DLGAP2: variants seen among roughly 807,000 people sequenced by gnomAD.
The protein encoded by DLGAP2 is DLG associated protein 2.
In DLGAP2, 26 loss-of-function variants were observed where a neutral mutation model predicts 100.3. The observed-to-expected ratio is 0.26, with a 90% CI of 0.19 to 0.36. The LOEUF (loss-of-function observed/expected upper bound fraction) is 0.36. Among genes scored for constraint, DLGAP2 ranks in the 10% least tolerant of loss-of-function variants. The pLI is 1.00. For missense variants in DLGAP2, 1,858 were observed against 1,453.2 expected (o/e 1.28, Z -4.53); for synonymous variants, 886 against 630.1 (o/e 1.41, Z -6.08).
chr8:862,970 G>A (rs905592194), intron 1 of DLGAP2, among the ~76,000 whole-genome samples: 1 of 152,198 alleles, frequency 6.6e-6, no homozygotes, highest in Non-Finnish European at 1.5e-5. Flanking sequence ...GAATATCTGA[G>A]TCAGTTTGTG....
chr8:1,502,250 G>A (rs1405472989), intron 4 of DLGAP2, among the ~76,000 whole-genome samples: 1 of 152,230 alleles, frequency 6.6e-6, no homozygotes, highest in Non-Finnish European at 1.5e-5. Context: ...TGCAGTGACA[G>A]CACTCAGGGC....
intron 2 of DLGAP2, among the ~76,000 whole-genome samples, chr8:1,075,203 TA>T (rs1177165811): frequency 6.6e-6 from 1 of 152,178 alleles, no homozygotes; most frequent in African/African-American, 2.4e-5. Flanking sequence ...TGCAAAGCTC[TA>T]GGGGAGGTTC....
At chr8:973,884 C>G (rs979626524) in intron 2 of DLGAP2, among the ~76,000 whole-genome samples, 15 of 150,476 alleles carry the variant, frequency 1.0e-4, no homozygotes. Flanking sequence ...GCCTCTTCCC[C>G]TCCTCCGCCA....
chr8:906,294 G>A (rs1249575846), intron 1 of DLGAP2, among the ~76,000 whole-genome samples: 1 of 152,256 alleles, frequency 6.6e-6, no homozygotes, highest in East Asian at 1.9e-4. Context: ...GGAAGGATGT[G>A]GCGGAGCCTC....
In DLGAP2 at chr8:995,211, G is replaced by A. The variant is rs191005551; in HGVS notation, c.73+87245G>A. 1.4e-3 allele frequency among the ~76,000 whole-genome samples: 206 copies of A among 152,136 alleles called. 2 individuals are homozygous for A. Among genetic ancestry groups the A allele is most frequent in the South Asian group, 8.3e-3 (40 of 4,816 alleles). On this transcript the variant is annotated intron_variant, in intron 2 of 14. Transcript: ENST00000637795. Reference sequence around the variant, plus strand: ...AGCAGTATAATTTTTTCACATTACCGTATAAAACAACTGTTTTGTGGGAGG... The same window carrying A: ...AGCAGTATAATTTTTTCACATTACCATATAAAACAACTGTTTTGTGGGAGG...
intron 3 of DLGAP2, among the ~76,000 whole-genome samples, chr8:1,417,156 G>GGCGGGGGAGACCCCCATTCATTTAGCGTC (rs1563133680): frequency 1.2e-5 from 1 of 85,714 alleles, no homozygotes; most frequent in African/African-American, 5.8e-5. Flanking sequence ...GAGACTCTGA[G>GGCGGGGGAGACCCCCATTCATTTAGCGTC]TGAAGGGGAA....
At chr8:1,465,169 C>T (rs1405362341) in intron 3 of DLGAP2, among the ~76,000 whole-genome samples, 1 of 152,230 alleles carries the variant, frequency 6.6e-6, no homozygotes, top group Non-Finnish European at 1.5e-5. Flanking sequence ...GGATGCTGAT[C>T]ACAAGCTCCA....
At chr8:788,105 A>G (rs1364283216) in intron 1 of DLGAP2, among the ~76,000 whole-genome samples, 1 of 152,228 alleles carries the variant, frequency 6.6e-6, no homozygotes, top group Non-Finnish European at 1.5e-5. Flanking sequence ...TCCCCCCACC[A>G]GGAGATCCTG....
chr8:1,408,414 G>T (rs566856385), intron 3 of DLGAP2, among the ~76,000 whole-genome samples: 2 of 149,962 alleles, frequency 1.3e-5, no homozygotes, highest in South Asian at 4.3e-4. Context: ...CAACCTGTTA[G>T]TTCACCTGGG....
At chr8:1,337,791 G>T (rs183208951) in intron 3 of DLGAP2, among the ~76,000 whole-genome samples, 10 of 152,296 alleles carry the variant, frequency 6.6e-5, no homozygotes, top group Admixed American at 6.5e-4. Context: ...CTGCAAATCA[G>T]TTATCTGAGA....
At chr8:980,618 C>G (rs1800303990) in intron 2 of DLGAP2, among the ~76,000 whole-genome samples, 1 of 152,170 alleles carries the variant, frequency 6.6e-6, no homozygotes. Flanking sequence ...TCTGTTGACA[C>G]AGAGGTGAAT....
intron 4 of DLGAP2, among the ~76,000 whole-genome samples, chr8:1,530,228 T>TG (rs938554022): frequency 4.9e-4 from 74 of 152,172 alleles, no homozygotes; most frequent in African/African-American, 1.6e-3. Flanking sequence ...CAGGTGCACC[T>TG]GGGGGGGCTG....
At chr8:1,658,567 A>G (rs927680103) in intron 8 of DLGAP2, among the ~76,000 whole-genome samples, 2 of 152,074 alleles carry the variant, frequency 1.3e-5, no homozygotes, top group East Asian at 1.9e-4. Flanking sequence ...TGTGTTAGTC[A>G]TGGGAGGGTG....
chr8:1,495,073 C>A (rs1278930298), intron 3 of DLGAP2, among the ~76,000 whole-genome samples: 1 of 152,216 alleles, frequency 6.6e-6, no homozygotes, highest in Non-Finnish European at 1.5e-5. Flanking sequence ...AGGACCGACA[C>A]CAGGTGGCAG....
At chr8:785,595 C>T (rs56212344) in intron 1 of DLGAP2, among the ~76,000 whole-genome samples, 37,757 of 50,530 alleles carry the variant, frequency 0.75, 14,879 homozygotes, top group Non-Finnish European at 0.82. Flanking sequence ...TGAGACCGGC[C>T]TCCCTCCTCC....
At chr8:1,599,934 T>G (rs1307005502) in intron 6 of DLGAP2, among the ~76,000 whole-genome samples, 1 of 152,240 alleles carries the variant, frequency 6.6e-6, no homozygotes, top group Non-Finnish European at 1.5e-5. Flanking sequence ...CCGGTTATTT[T>G]GCCCATTAAT....
At chr8:1,094,830 G>A (rs1020919251) in intron 2 of DLGAP2, among the ~76,000 whole-genome samples, 6 of 152,254 alleles carry the variant, frequency 3.9e-5, no homozygotes, top group Admixed American at 1.3e-4. Flanking sequence ...TGTACTGAGA[G>A]TATACAGGGA....
At chr8:1,144,270 C>G (rs1796569170) in intron 2 of DLGAP2, among the ~76,000 whole-genome samples, 2 of 152,148 alleles carry the variant, frequency 1.3e-5, no homozygotes, top group African/African-American at 4.8e-5. Flanking sequence ...ATGGAGAAGG[C>G]GGTGGAGCAT....
chr8:1,150,314 C>G (rs1796675615), intron 2 of DLGAP2, among the ~76,000 whole-genome samples: 1 of 152,198 alleles, frequency 6.6e-6, no homozygotes, highest in Non-Finnish European at 1.5e-5. Context: ...TCTGCCTTCC[C>G]TGTTTTTATT....
Sources: allele counts gnomAD v4.1 joint callset (sites outside exome capture counted in the v4.1 genomes callset), GRCh38; gene constraint gnomAD v4.1.1; transcripts MANE v1.5; gene names NCBI Gene and HGNC (gene_info 2026-07-23, HGNC 2026-07-21).